SLC18B1: variants seen among roughly 807,000 people sequenced by gnomAD.
SLC18B1 encodes the protein solute carrier family 18 member B1, also known as MFS-type transporter SLC18B1.
A neutral mutation model predicts 53.9 loss-of-function variants in SLC18B1; 62 were observed. The observed-to-expected ratio is 1.15, with a 90% CI of 0.94 to 1.42. SLC18B1 has a LOEUF of 1.42. Among genes scored for constraint, SLC18B1 ranks in the 40% most tolerant of loss-of-function variants. The probability of loss-of-function intolerance (pLI) is 0.00; values close to 1 mark genes in which losing one functional copy is unlikely to be tolerated. For missense variants in SLC18B1, 598 were observed against 547.3 expected (o/e 1.09, Z -0.93); for synonymous variants, 217 against 200.9 (o/e 1.08, Z -0.68).
rs188776065 is a variant in SLC18B1 at position 132,772,523 on chromosome 6, G to A, written c.1086-317C>T. On this transcript the variant is annotated intron_variant, in intron 10 of 13. Transcript: ENST00000275227. ...GAGATGAAGATGGAAAGAGAACAAA[G>A]GCAACTTTTAAAAAACAGAGATAGT... 2.2e-4 allele frequency among the ~76,000 whole-genome samples: 34 copies of A among 152,094 alleles called. No homozygotes were observed. The East Asian group carries it at 6.4e-3, about 29-fold the overall frequency.
chr6:132,774,151 G>A lies in SLC18B1; in HGVS notation c.989+71C>T, dbSNP rs1781043455. The A allele has an allele frequency of 1.3e-5, 16 of 1,208,386 alleles. No individual in the cohort carries two copies. The South Asian group carries it at 2.3e-4, about 17-fold the overall frequency. 74.9% of individuals were successfully genotyped at this position (1,208,386 alleles called of 1,614,324 possible). A position where few individuals can be genotyped will look rare whatever the true frequency, so the allele number is the denominator to read the frequency against. On this transcript the variant is annotated intron_variant, in intron 9 of 13. Transcript: ENST00000275227. ...GTTCAAAATACTAAACTATACCAATGTTAAAACAAAATTTTTCGAAATAAT... is the reference window on the plus strand; with the variant it reads ...GTTCAAAATACTAAACTATACCAATATTAAAACAAAATTTTTCGAAATAAT...
chr6:132,769,525 A>C lies in SLC18B1; in HGVS notation c.*745T>G, dbSNP rs2114655510. The C allele has an allele frequency of 6.6e-6, 1 of 152,334 alleles. No individual in the cohort carries two copies. Among genetic ancestry groups the C allele is most frequent in the Non-Finnish European group, 1.5e-5 (1 of 68,026 alleles). 9.4% of individuals were successfully genotyped at this position (152,334 alleles called of 1,614,324 possible). Reference sequence around the variant, plus strand: ...CATCTACCAAGATATAGATAAAAACAAAAACAAAACAGATGGTAGAGCCAA... The same window carrying C: ...CATCTACCAAGATATAGATAAAAACCAAAACAAAACAGATGGTAGAGCCAA... On this transcript the variant is annotated 3_prime_UTR_variant, in exon 14 of 14. Coordinates refer to ENST00000275227, the MANE Select transcript of SLC18B1 (RefSeq NM_052831.3).
Position 132,779,314 on chromosome 6 carries a change from C to A in SLC18B1, c.749G>T (p.Cys250Phe). 6.2e-7 allele frequency: 1 copy of A among 1,613,940 alleles called. No homozygotes were observed. The highest frequency in any genetic ancestry group is 8.5e-7 in the Non-Finnish European group (1 of 1,179,972). ...CAGAGTAGGATCGAGGAAGCCAAAACACGAGCTGAGTGAGTTGATGACGAA... is the reference window on the plus strand; with the variant it reads ...CAGAGTAGGATCGAGGAAGCCAAAAAACGAGCTGAGTGAGTTGATGACGAA... Reference protein sequence around the residue: ...IAFVINSLSSCFGFLDPTLSL... With the variant: ...IAFVINSLSSFFGFLDPTLSL... Residue 250 changes from cysteine to phenylalanine, a missense_variant, in exon 7 of 14, where the codon TGT (cysteine) becomes TTT (phenylalanine). Coordinates refer to ENST00000275227, the MANE Select transcript of SLC18B1 (RefSeq NM_052831.3).
At chr6:132,771,999 G>A (rs1004478897) in intron 11 of SLC18B1, 133 bp downstream of exon 11, 3 of 604,290 alleles carry the variant, frequency 5.0e-6, no homozygotes, top group Non-Finnish European at 8.4e-6. Flanking sequence ...GGCTGAGATA[G>A]AAGAATCTCT....
rs1781524233 is a variant in SLC18B1 at position 132,791,497 on chromosome 6, C to CTA, written c.184-1227_184-1226dup. Among the ~76,000 whole-genome samples the CTA allele has an allele frequency of 3.3e-5, 5 of 152,134 alleles. No individual in the cohort carries two copies. In the South Asian group the frequency reaches 1.0e-3, roughly 32 times the overall value. On this transcript the variant is annotated intron_variant, in intron 2 of 13. Coordinates refer to ENST00000275227, the MANE Select transcript of SLC18B1 (RefSeq NM_052831.3). ...AAGGATTTTTTTTTTGCATGTCAGA[C>CTA]TATGCTTCTTTAAATAAACCATACA...
chr6:132,795,382 G>C (rs1781650331), intron 2 of SLC18B1, among the ~76,000 whole-genome samples: 1 of 152,204 alleles, frequency 6.6e-6, no homozygotes, highest in South Asian at 2.1e-4. Context: ...GAACTGAATT[G>C]GGCAAGTCAC....
At chr6:132,798,384 C>T (rs750858579) in intron 1 of SLC18B1, 30 bp downstream of exon 1, 3 of 1,512,676 alleles carry the variant, frequency 2.0e-6, no homozygotes, top group Non-Finnish European at 2.7e-6. Context: ...CGCTGGTCTC[C>T]GGGCTCCCGG....
At chr6:132,785,770 A>G (rs1781352551) in intron 5 of SLC18B1, among the ~76,000 whole-genome samples, 1 of 152,010 alleles carries the variant, frequency 6.6e-6, no homozygotes, top group Admixed American at 6.6e-5. Flanking sequence ...GTTTGAAAAA[A>G]TAGTTACAGC....
chr6:132,792,280 AAAGGAAGAAAGGAAGGAAGGAAGGAAGG>A (rs1781554734), intron 2 of SLC18B1, among the ~76,000 whole-genome samples: 11 of 42,672 alleles, frequency 2.6e-4, no homozygotes, highest in Admixed American at 6.6e-4. Context: ...AGAAAGAAAG[AAAGGAAGAAAGGAAGGAAGGAAGGAAGG>A]AAGGAAGGAA....
chr6:132,777,845 TTGA>T (rs977727365), intron 7 of SLC18B1, among the ~76,000 whole-genome samples: 1 of 152,278 alleles, frequency 6.6e-6, no homozygotes, highest in Admixed American at 6.5e-5. Context: ...ATACAGGTTG[TTGA>T]TGATCTAAAT....
chr6:132,792,492 A>T (rs751836312), intron 2 of SLC18B1, among the ~76,000 whole-genome samples: 26 of 152,104 alleles, frequency 1.7e-4, no homozygotes, highest in Non-Finnish European at 2.8e-4. Flanking sequence ...TCTAGCAGAA[A>T]ATATATAATG....
intron 6 of SLC18B1, among the ~76,000 whole-genome samples, chr6:132,781,231 C>T (rs1781227353): frequency 6.6e-6 from 1 of 151,842 alleles, no homozygotes; most frequent in African/African-American, 2.4e-5. Context: ...TTAAAACATC[C>T]ATGAAAATGA....
intron 6 of SLC18B1, 62 bp downstream of exon 6, chr6:132,783,871 C>G (rs1302302968): frequency 7.9e-7 from 1 of 1,270,698 alleles, no homozygotes; most frequent in Non-Finnish European, 1.0e-6. Flanking sequence ...TAAAACTGGT[C>G]TCTTACAAAG....
intron 2 of SLC18B1, among the ~76,000 whole-genome samples, chr6:132,792,568 T>C (rs1209168800): frequency 6.6e-6 from 1 of 152,160 alleles, no homozygotes; most frequent in African/African-American, 2.4e-5. Flanking sequence ...AGTGCCGTTT[T>C]ACATGGTATC....
chr6:132,782,942 T>C (rs1033549874), intron 6 of SLC18B1, among the ~76,000 whole-genome samples: 1 of 151,870 alleles, frequency 6.6e-6, no homozygotes, highest in African/African-American at 2.4e-5. Flanking sequence ...GCCTGGCTAA[T>C]TTTTGTATTT....
Position 132,781,752 on chromosome 6 carries a change from G to A in SLC18B1, c.658+2181C>T, listed in dbSNP as rs560654967. Reference sequence around the variant, plus strand: ...AGCCTGGGCGACAGAGCAAGACTCTGTCTTTAAAAAAAAAAAAGAAAAGAA... The same window carrying A: ...AGCCTGGGCGACAGAGCAAGACTCTATCTTTAAAAAAAAAAAAGAAAAGAA... On this transcript the variant is annotated intron_variant, in intron 6 of 13. Coordinates refer to ENST00000275227, the MANE Select transcript of SLC18B1 (RefSeq NM_052831.3). 6.7e-5 allele frequency among the ~76,000 whole-genome samples: 9 copies of A among 134,508 alleles called. No individual in the cohort carries two copies. The South Asian group carries it at 1.8e-3, about 27-fold the overall frequency. 88.2% of individuals were successfully genotyped at this position (134,508 alleles called of 152,430 possible).
In SLC18B1 at chr6:132,792,498, T is replaced by C. The variant is rs34632140; in HGVS notation, c.184-2226A>G. ...AATTTAGAATCTAGCAGAAAATATATAATGCCTATAGCAATTAATACTTAT... is the reference window on the plus strand; with the variant it reads ...AATTTAGAATCTAGCAGAAAATATACAATGCCTATAGCAATTAATACTTAT... On this transcript the variant is annotated intron_variant, in intron 2 of 13. Transcript: ENST00000275227. Among the ~76,000 whole-genome samples the C allele has an allele frequency of 9.2e-3, 1,394 of 152,234 alleles. 10 individuals carry two copies. The highest frequency in any genetic ancestry group is 0.014 in the Non-Finnish European group (924 of 68,016).
At chr6:132,790,093 A>T in intron 3 of SLC18B1, 84 bp downstream of exon 3, 1 of 987,082 alleles carries the variant, frequency 1.0e-6, no homozygotes. Context: ...TTTCTGTATC[A>T]ATGCAAATTC....
intron 11 of SLC18B1, 125 bp downstream of exon 11, chr6:132,772,007 T>C: frequency 1.6e-6 from 1 of 623,150 alleles, no homozygotes; most frequent in South Asian, 2.0e-5. Flanking sequence ...TAGAAGAATC[T>C]CTTGGACCTG....
Sources: gnomAD v4.1 joint callset for allele counts (sites outside exome capture counted in the v4.1 genomes callset) on GRCh38, gnomAD v4.1.1 for gene constraint, MANE v1.5 for transcripts, NCBI Gene and HGNC (gene_info 2026-07-23, HGNC 2026-07-21) for gene names.